The following OR1F1 variants were observed in gnomAD, a reference collection of about 807,000 sequenced individuals.
OR1F1 encodes the protein olfactory receptor family 1 subfamily F member 1, also known as olfactory receptor 1F1.
For missense variants in OR1F1, 493 were observed against 376.3 expected (o/e 1.31, Z -2.57); for synonymous variants, 184 against 156.7 (o/e 1.17, Z -1.30).
the OR1F1 span, among the ~76,000 whole-genome samples, chr16:3,191,878 C>T: frequency 2.0e-5 from 3 of 152,142 alleles, no homozygotes; most frequent in Non-Finnish European, 4.4e-5. Flanking sequence ...GCTGGCCCAC[C>T]CACTGAGTCT....
the OR1F1 span, among the ~76,000 whole-genome samples, chr16:3,191,686 G>T: frequency 6.6e-6 from 1 of 151,950 alleles, no homozygotes; most frequent in Non-Finnish European, 1.5e-5. Flanking sequence ...TTGAATTTTG[G>T]TCTCCGCGCG....
chr16:3,193,750 A>G, the OR1F1 span, among the ~76,000 whole-genome samples: 3 of 152,178 alleles, frequency 2.0e-5, no homozygotes, highest in East Asian at 5.8e-4. Context: ...GGCGAGCGCA[A>G]CCACAACCGG....
the OR1F1 span, among the ~76,000 whole-genome samples, chr16:3,192,934 T>TA: frequency 3.3e-5 from 5 of 152,172 alleles, no homozygotes; most frequent in Admixed American, 1.3e-4. Flanking sequence ...AAAGAGTTTT[T>TA]AAAAATTTTT....
the OR1F1 span, among the ~76,000 whole-genome samples, chr16:3,190,748 CT>C: frequency 1.8e-4 from 8 of 44,352 alleles, no homozygotes; most frequent in Admixed American, 1.9e-3. Flanking sequence ...AAGACTCTAT[CT>C]AAAAAAAAAA....
the OR1F1 span, among the ~76,000 whole-genome samples, chr16:3,188,806 C>T: frequency 6.6e-6 from 1 of 152,220 alleles, no homozygotes; most frequent in African/African-American, 2.4e-5. Flanking sequence ...AAGGGTGCCC[C>T]GGAACCGATG....
upstream of OR1F1, among the ~76,000 whole-genome samples, chr16:3,200,068 C>T (rs1958120200): frequency 6.6e-6 from 1 of 151,968 alleles, no homozygotes; most frequent in African/African-American, 2.4e-5. Context: ...ACAGTACACC[C>T]TGAGAGAGAG....
chr16:3,194,100 A>G, the OR1F1 span, among the ~76,000 whole-genome samples: 63 of 152,326 alleles, frequency 4.1e-4, no homozygotes, highest in African/African-American at 1.4e-3. Context: ...AAGAAACGGC[A>G]TGAATTTGGA....
chr16:3,199,922 A>G (rs907942159), upstream of OR1F1, among the ~76,000 whole-genome samples: 8 of 151,954 alleles, frequency 5.3e-5, no homozygotes, highest in African/African-American at 1.9e-4. Context: ...AGGCTGAGGC[A>G]GGAGAATCGC....
chr16:3,203,039 G>A (rs1958153654), upstream of OR1F1, among the ~76,000 whole-genome samples: 1 of 152,168 alleles, frequency 6.6e-6, no homozygotes, highest in Admixed American at 6.6e-5. Context: ...ATAAAATACA[G>A]GGTCGTGAGT....
At chr16:3,205,817 T>C (rs1958201866), downstream of OR1F1, among the ~76,000 whole-genome samples, 1 of 152,166 alleles carries the variant, frequency 6.6e-6, no homozygotes, top group Non-Finnish European at 1.5e-5. Context: ...GTACGTCACC[T>C]CAGGACCACT....
chr16:3,188,256 T>G, the OR1F1 span: 1 of 151,614 alleles, frequency 6.6e-6, no homozygotes, highest in South Asian at 2.1e-4. Context: ...AGGGCCTCAG[T>G]GGAGACCTCC....
the OR1F1 span, among the ~76,000 whole-genome samples, chr16:3,189,376 C>T: frequency 1.3e-5 from 2 of 152,228 alleles, no homozygotes; most frequent in African/African-American, 2.4e-5. Context: ...GAATCCCCAA[C>T]TCAAGGCCGA....
At chr16:3,189,629 C>G in the OR1F1 span, 1 of 152,052 alleles carries the variant, frequency 6.6e-6, no homozygotes, top group Non-Finnish European at 1.5e-5. Context: ...ATGCGTAAAT[C>G]GTGTGGCTCG....
chr16:3,192,055 G>A, the OR1F1 span, among the ~76,000 whole-genome samples: 17 of 152,050 alleles, frequency 1.1e-4, no homozygotes, highest in Non-Finnish European at 2.5e-4. Context: ...AATCCCGGAC[G>A]AGCCCCTCTT....
chr16:3,200,124 A>C (rs1278303959), upstream of OR1F1, among the ~76,000 whole-genome samples: 8 of 152,136 alleles, frequency 5.3e-5, no homozygotes, highest in Admixed American at 5.2e-4. Flanking sequence ...GCAAAGATGC[A>C]CGAGGGAGAC....
exon 1 of OR1F1, chr16:3,204,926 A>C (rs993608246): frequency 6.2e-7 from 1 of 1,614,044 alleles, no homozygotes; most frequent in Non-Finnish European, 8.5e-7. Context: ...ACTGTCCTGA[A>C]GGTCCCATCC....
chr16:3,193,974 G>C, the OR1F1 span, among the ~76,000 whole-genome samples: 7 of 152,178 alleles, frequency 4.6e-5, no homozygotes, highest in African/African-American at 1.7e-4. Context: ...TTGTGGGTTC[G>C]AGTTCCACCT....
upstream of OR1F1, among the ~76,000 whole-genome samples, chr16:3,203,197 ACT>A (rs1354414395): frequency 1.3e-5 from 2 of 151,954 alleles, no homozygotes. Flanking sequence ...AGGGACAATT[ACT>A]CTCTGCTTTT....
upstream of OR1F1, among the ~76,000 whole-genome samples, chr16:3,200,016 CA>C (rs533022490): frequency 8.3e-4 from 112 of 135,560 alleles, no homozygotes; most frequent in Admixed American, 7.5e-4. Flanking sequence ...AACTCCGTCT[CA>C]AAAAAAAAAA....
Sources: gnomAD v4.1 joint callset for allele counts (sites outside exome capture counted in the v4.1 genomes callset) on GRCh38, gnomAD v4.1.1 for gene constraint, MANE v1.5 for transcripts, NCBI Gene and HGNC (gene_info 2026-07-23, HGNC 2026-07-21) for gene names.